MARCHF1: variants seen among roughly 807,000 people sequenced by gnomAD.
The protein encoded by MARCHF1 is membrane associated ring-CH-type finger 1, also known as E3 ubiquitin-protein ligase MARCHF1.
Under a neutral mutation model 54.2 loss-of-function variants are expected in MARCHF1, and 40 were observed. That is an observed-to-expected ratio of 0.74 (90% CI 0.57 to 0.96). MARCHF1 has a LOEUF of 0.96. MARCHF1 is among the 40% of genes least tolerant of loss of function. The probability of loss-of-function intolerance (pLI) is 0.00; values close to 1 mark genes in which losing one functional copy is unlikely to be tolerated. For synonymous variants in MARCHF1, 236 were observed against 236.3 expected, an observed-to-expected ratio of 1.00 and a Z score of 0.01; for missense variants, 586 against 656.5, an observed-to-expected ratio of 0.89 and a Z score of 1.17.
intron 5 of MARCHF1, among the ~76,000 whole-genome samples, chr4:163,678,214 C>T (rs1413915897): frequency 5.9e-5 from 9 of 152,264 alleles, no homozygotes; most frequent in Admixed American, 5.9e-4. Flanking sequence ...ACTTGAACTT[C>T]ATTTTGATTA....
chr4:164,275,213 A>G (rs550297115), intron 1 of MARCHF1, among the ~76,000 whole-genome samples: 1 of 152,260 alleles, frequency 6.6e-6, no homozygotes, highest in Admixed American at 6.5e-5. Context: ...GGAAGGGAGC[A>G]TGGGTCATTA....
chr4:163,611,514 T>C (rs1313158480), intron 7 of MARCHF1, among the ~76,000 whole-genome samples: 1 of 152,130 alleles, frequency 6.6e-6, no homozygotes, highest in East Asian at 1.9e-4. Flanking sequence ...TTAGGTATAA[T>C]ATGAAAATGT....
At chr4:163,787,871 A>G (rs940762753) in intron 4 of MARCHF1, among the ~76,000 whole-genome samples, 2 of 152,020 alleles carry the variant, frequency 1.3e-5, no homozygotes, top group Admixed American at 6.6e-5. Flanking sequence ...TGGCATATAC[A>G]TGCAATGGGA....
rs560031452 is a variant in MARCHF1, at chr4:163,764,235, G to A, written c.112-63372C>T. ...CAGTAACTTACAAATTTTGAAGAAC[G>A]AAGGAAAAAGAGGAAATTAGTATGA... On this transcript the variant is annotated intron_variant, in intron 4 of 9. Coordinates refer to ENST00000514618, the MANE Select transcript of MARCHF1 (RefSeq NM_001394959.1). Among the ~76,000 whole-genome samples the A allele has an allele frequency of 7.2e-5, 11 of 152,072 alleles. No homozygotes were observed. In the South Asian group the frequency reaches 1.5e-3, roughly 20 times the overall value.
At chr4:164,352,416 A>G (rs370312871) in intron 1 of MARCHF1, among the ~76,000 whole-genome samples, 4 of 143,936 alleles carry the variant, frequency 2.8e-5, no homozygotes, top group East Asian at 2.3e-4. Context: ...GGATCTCTCG[A>G]CAGAAACCCT....
intron 1 of MARCHF1, among the ~76,000 whole-genome samples, chr4:164,194,859 G>C (rs1429936096): frequency 1.3e-5 from 2 of 151,868 alleles, no homozygotes; most frequent in Non-Finnish European, 1.5e-5. Flanking sequence ...TTGTTACATA[G>C]ATATATATGT....
chr4:163,736,560 A>C (rs1157551556), intron 4 of MARCHF1, among the ~76,000 whole-genome samples: 1 of 119,578 alleles, frequency 8.4e-6, no homozygotes. Context: ...GGGGGGGGGG[A>C]CTATTGTATT....
chr4:163,607,759 C>T (rs1237231518), intron 7 of MARCHF1, among the ~76,000 whole-genome samples: 3 of 152,082 alleles, frequency 2.0e-5, no homozygotes, highest in Admixed American at 6.6e-5. Context: ...AATAGTGTTT[C>T]TCAAAATGTG....
rs184389601 is a variant in MARCHF1, at chr4:163,834,805, G to A, written c.111+19216C>T. The stretch of plus-strand genomic sequence containing the variant: ...TTATAATTATACCAGGGCCTTTTAG[G>A]CATATACTCAGATCAGTGCAGCTTC... On this transcript the variant is annotated intron_variant, in intron 4 of 9. Transcript: ENST00000514618. Among the ~76,000 whole-genome samples the A allele has an allele frequency of 4.6e-5, 7 of 152,086 alleles. No individual in the cohort carries two copies. In the East Asian group the frequency reaches 1.4e-3, roughly 29 times the overall value.
intron 2 of MARCHF1, among the ~76,000 whole-genome samples, chr4:163,998,754 C>T (rs1298215717): frequency 6.6e-6 from 1 of 151,684 alleles, no homozygotes; most frequent in Non-Finnish European, 1.5e-5. Context: ...TGTTCTCCAG[C>T]TTCATCTGTG....
chr4:163,598,225 C>T (rs1740836742), intron 7 of MARCHF1, among the ~76,000 whole-genome samples: 1 of 152,158 alleles, frequency 6.6e-6, no homozygotes, highest in South Asian at 2.1e-4. Context: ...TTTCAGATCC[C>T]TGCATTTGTA....
At chr4:164,085,702 G>C (rs1755179032) in intron 2 of MARCHF1, among the ~76,000 whole-genome samples, 1 of 151,938 alleles carries the variant, frequency 6.6e-6, no homozygotes, top group South Asian at 2.1e-4. Context: ...AAACCCTTAA[G>C]TACTTAAAGA....
intron 1 of MARCHF1, among the ~76,000 whole-genome samples, chr4:164,181,844 G>A (rs1453052667): frequency 6.6e-6 from 1 of 152,148 alleles, no homozygotes; most frequent in Non-Finnish European, 1.5e-5. Flanking sequence ...TCAAGTTAAT[G>A]TATTTTAGCT....
chr4:164,034,014 G>A (rs141639534), intron 2 of MARCHF1, among the ~76,000 whole-genome samples: 102 of 151,902 alleles, frequency 6.7e-4, no homozygotes, highest in African/African-American at 2.3e-3. Context: ...GCAAAGGCAT[G>A]GAACCAACTC....
At chr4:163,810,354 G>T (rs549737180) in intron 4 of MARCHF1, among the ~76,000 whole-genome samples, 2 of 152,048 alleles carry the variant, frequency 1.3e-5, no homozygotes, top group Non-Finnish European at 1.5e-5. Context: ...TTTTAGAATG[G>T]CCAACAACAT....
At chr4:164,210,127 ACT>A (rs1731722957) in intron 1 of MARCHF1, among the ~76,000 whole-genome samples, 1 of 152,096 alleles carries the variant, frequency 6.6e-6, no homozygotes, top group African/African-American at 2.4e-5. Context: ...AACAAACATC[ACT>A]CTGATTATAG....
At chr4:163,674,462 G>A (rs1743842374) in intron 5 of MARCHF1, among the ~76,000 whole-genome samples, 2 of 152,196 alleles carry the variant, frequency 1.3e-5, no homozygotes, top group Non-Finnish European at 2.9e-5. Flanking sequence ...CATTAGATTA[G>A]TATCAAAGAC....
At chr4:163,880,591 TGAAA>T (rs1324290620) in intron 3 of MARCHF1, among the ~76,000 whole-genome samples, 5 of 151,710 alleles carry the variant, frequency 3.3e-5, no homozygotes, top group East Asian at 1.9e-4. Context: ...TTTGCTGAAG[TGAAA>T]GAAAGAAAAT....
At chr4:163,890,648 G>T (rs1750641549) in intron 3 of MARCHF1, among the ~76,000 whole-genome samples, 1 of 152,112 alleles carries the variant, frequency 6.6e-6, no homozygotes, top group Non-Finnish European at 1.5e-5. Flanking sequence ...TTAGGACCAG[G>T]AGTGTTTCAG....
Sources: allele counts gnomAD v4.1 joint callset (sites outside exome capture counted in the v4.1 genomes callset), GRCh38; gene constraint gnomAD v4.1.1; transcripts MANE v1.5; gene names NCBI Gene and HGNC (gene_info 2026-07-23, HGNC 2026-07-21).